CHD2: variants seen among roughly 807,000 people sequenced by gnomAD.
CHD2 encodes ATP-dependent chromatin remodeler CHD2.
CHD2 carries 28 observed loss-of-function variants against 243.9 expected under a neutral mutation model. The ratio of observed to expected loss-of-function variants is 0.11; its 90% CI spans 0.09 to 0.16. The LOEUF is 0.16. CHD2 is among the 10% of genes least tolerant of loss of function. The pLI, the probability that CHD2 is intolerant of heterozygous loss-of-function variation, is 1.00. For missense variants in CHD2, 1,386 were observed against 2,209.8 expected (o/e 0.63, Z 7.47); for synonymous variants, 775 against 779.0 (o/e 0.99, Z 0.09).
intron 17 of CHD2, 73 bp downstream of exon 17, chr15:92,967,586 A>G (rs2053781812): frequency 2.0e-6 from 2 of 991,354 alleles, no homozygotes; most frequent in African/African-American, 1.7e-5. Flanking sequence ...GGAGATATAT[A>G]TATATACTTT....
rs564809861 is a variant in CHD2 at position 92,933,038 on chromosome 15, G to A, written c.443+3947G>A. Among the ~76,000 whole-genome samples the A allele has an allele frequency of 1.2e-3, 10 of 8,244 alleles. No homozygotes were observed. In the East Asian group the frequency reaches 0.038, roughly 31 times the overall value. 5.4% of individuals were successfully genotyped at this position (8,244 alleles called of 152,430 possible). A position where few individuals can be genotyped will look rare whatever the true frequency, so the allele number is the denominator to read the frequency against. On this transcript the variant is annotated intron_variant, in intron 5 of 38. Transcript: ENST00000394196. Reference sequence around the variant, plus strand: ...GCTTATAAGATGAGCCACCGCGCCCGGCCCCTTTTTTTTTTTTTTTTTAAG... The same window carrying A: ...GCTTATAAGATGAGCCACCGCGCCCAGCCCCTTTTTTTTTTTTTTTTTAAG...
Position 92,901,183 on chromosome 15 carries a change from G to T in CHD2, c.-55G>T. 9.7e-7 allele frequency: 1 copy of T among 1,034,584 alleles called. No homozygotes were observed. The highest frequency in any genetic ancestry group is 2.5e-5 in the East Asian group (1 of 40,610). 64.1% of individuals were successfully genotyped at this position (1,034,584 alleles called of 1,614,324 possible). ...TTTTGACAGTAAATACCTGGGCACA[G>T]GACTTCAAAGCAAACACAGATTCCC... On this transcript the variant is annotated 5_prime_UTR_variant, in exon 2 of 39. In the 5' UTR this introduces an upstream ATG that the reference lacks. Coordinates refer to ENST00000394196, the MANE Select transcript of CHD2 (RefSeq NM_001271.4).
At chr15:92,947,355 G>A (rs1254525686) in intron 12 of CHD2, 4 of 152,202 alleles carry the variant, frequency 2.6e-5, no homozygotes, top group Admixed American at 2.6e-4. Context: ...GGGGCCCAGG[G>A]TATTGCCCTC....
intron 17 of CHD2, among the ~76,000 whole-genome samples, chr15:92,970,949 T>C (rs1376931596): frequency 6.6e-6 from 1 of 152,264 alleles, no homozygotes; most frequent in Non-Finnish European, 1.5e-5. Flanking sequence ...TATACATGAA[T>C]ATATCTGTAT....
At chr15:93,003,185 A>G (rs970907272) in intron 33 of CHD2, among the ~76,000 whole-genome samples, 24 of 151,986 alleles carry the variant, frequency 1.6e-4, no homozygotes, top group African/African-American at 5.8e-4. Flanking sequence ...CATGGGAGGC[A>G]GAGGTGAGAG....
At chr15:92,965,591 A>AC (rs2053750410) in intron 16 of CHD2, among the ~76,000 whole-genome samples, 2 of 143,112 alleles carry the variant, frequency 1.4e-5, no homozygotes, top group Admixed American at 1.4e-4. Flanking sequence ...AAAAAAAAAA[A>AC]AAAACCAACT....
chr15:93,013,546 A>G (rs1294819098), intron 36 of CHD2, among the ~76,000 whole-genome samples: 2 of 152,250 alleles, frequency 1.3e-5, no homozygotes, highest in Non-Finnish European at 2.9e-5. Context: ...AGACTAAAGC[A>G]TGCAGTTTTG....
At chr15:92,907,376 G>T (rs1040855871) in intron 2 of CHD2, among the ~76,000 whole-genome samples, 17 of 152,338 alleles carry the variant, frequency 1.1e-4, no homozygotes, top group Middle Eastern at 3.4e-3. Flanking sequence ...TCTCATTACT[G>T]AGTCCCTGTA....
At chr15:92,903,470 ATAGTGCAG>A (rs2052559158) in intron 2 of CHD2, among the ~76,000 whole-genome samples, 1 of 152,214 alleles carries the variant, frequency 6.6e-6, no homozygotes. Flanking sequence ...GTTTTTGGAA[ATAGTGCAG>A]TAGTTAATAG....
chr15:92,903,930 T>C (rs1336841716), intron 2 of CHD2, among the ~76,000 whole-genome samples: 1 of 152,216 alleles, frequency 6.6e-6, no homozygotes, highest in Non-Finnish European at 1.5e-5. Flanking sequence ...CTGGGGATGA[T>C]TAGAAATGGC....
At chr15:93,000,324 G>A (rs1159591602) in intron 31 of CHD2, among the ~76,000 whole-genome samples, 188 bp from the exon 32 acceptor site, 2 of 152,078 alleles carry the variant, frequency 1.3e-5, no homozygotes, top group African/African-American at 4.8e-5. Context: ...CATGTATAAG[G>A]CCTATAGGTT....
chr15:92,971,777 C>T lies in CHD2; in HGVS notation c.2202C>T (p.Thr734=). The T allele has an allele frequency of 1.2e-6, 2 of 1,610,616 alleles. No homozygotes were observed. The highest frequency in any genetic ancestry group is 1.7e-6 in the Non-Finnish European group (2 of 1,178,898). ...TTTTAATTTGCAGGTGGATTCTGAC[C>T]AGGAATTACAAGGCTCTTGCCAAAG... ...LQKQYYKWIL[T]RNYKALAKGT... Residue 734 remains threonine (T), a synonymous_variant, in exon 18 of 39, where the codon ACC becomes ACT. Coordinates refer to ENST00000394196, the MANE Select transcript of CHD2 (RefSeq NM_001271.4).
intron 5 of CHD2, among the ~76,000 whole-genome samples, chr15:92,931,949 G>A (rs1225100541): frequency 2.7e-5 from 4 of 148,214 alleles, no homozygotes; most frequent in Admixed American, 6.8e-5. Flanking sequence ...TGCAGCCTCC[G>A]CCTCCGGGGT....
In CHD2 at chr15:92,998,959, C is replaced by G. The variant is rs1249621473; in HGVS notation, c.4008+338C>G. The stretch of plus-strand genomic sequence containing the variant: ...ATTAGCCGGGCGTGGTGGCACACGC[C>G]TGTAATCCCAGCTACTTAGGAGGCT... On this transcript the variant is annotated intron_variant, in intron 31 of 38. Coordinates refer to ENST00000394196, the MANE Select transcript of CHD2 (RefSeq NM_001271.4). This position sits in a 1 kb window ranked among gnomAD's most constrained non-coding sequence, Gnocchi z 5.1. Among the ~76,000 whole-genome samples, 1 of 151,930 alleles carries G rather than the reference C, an allele frequency of 6.6e-6. No individual in the cohort carries two copies. Among genetic ancestry groups the G allele is most frequent in the South Asian group, 2.1e-4 (1 of 4,826 alleles).
At chr15:92,927,578 T>C (rs2053086851) in intron 4 of CHD2, among the ~76,000 whole-genome samples, 1 of 152,114 alleles carries the variant, frequency 6.6e-6, no homozygotes, top group Non-Finnish European at 1.5e-5. Context: ...GACCTCAAAA[T>C]GGTTTATTTT....
intron 16 of CHD2, among the ~76,000 whole-genome samples, chr15:92,966,355 C>A (rs147662794): frequency 2.6e-5 from 4 of 152,038 alleles, no homozygotes; most frequent in Middle Eastern, 3.2e-3. Context: ...TGAGCTACTT[C>A]GCCCAGCCAG....
rs61447848 is a variant in CHD2, at chr15:92,965,565, C to CAAA, written c.2001-1732_2001-1730dup. Among the ~76,000 whole-genome samples the CAAA allele has an allele frequency of 1.6e-3, 177 of 110,994 alleles. 6 individuals are homozygous for CAAA. The highest frequency in any genetic ancestry group is 1.9e-3 in the Non-Finnish European group (114 of 58,492). 72.8% of individuals were successfully genotyped at this position (110,994 alleles called of 152,430 possible). On this transcript the variant is annotated intron_variant, in intron 16 of 38. Transcript: ENST00000394196. The stretch of plus-strand genomic sequence containing the variant: ...GGCGACAGAGCCGAGACTCTTTCTC[C>CAAA]AAAAAAAAAAAAAAAAAAAAAAAAA...
chr15:92,942,820 A>T (rs773709651), intron 8 of CHD2, 23 bp from the exon 9 acceptor site: 2 of 1,565,430 alleles, frequency 1.3e-6, no homozygotes, highest in Non-Finnish European at 1.7e-6. Context: ...ACTCTCTTTC[A>T]AGTGTACTTA....
At chr15:92,950,292 A>T (rs1001411133) in intron 13 of CHD2, 1 of 152,264 alleles carries the variant, frequency 6.6e-6, no homozygotes, top group Non-Finnish European at 1.5e-5. Context: ...GTTATTTCTA[A>T]CACTTGTTAT....
Sources: gnomAD v4.1 joint callset for allele counts (sites outside exome capture counted in the v4.1 genomes callset) on GRCh38, gnomAD v4.1.1 for gene constraint, Gnocchi (gnomAD v3.1) non-coding constraint, MANE v1.5 for transcripts, NCBI Gene and HGNC (gene_info 2026-07-23, HGNC 2026-07-21) for gene names.